Variants in RASA2 observed in about 807,000 individuals in gnomAD.
RASA2 encodes RAS p21 protein activator 2.
Under a neutral mutation model 118.2 loss-of-function variants are expected in RASA2, and 155 were observed. That is an observed-to-expected ratio of 1.31 (90% CI 1.15 to 1.50). The LOEUF is 1.50. Ranked by LOEUF, RASA2 falls within the 40% of genes most tolerant of loss-of-function variation. The pLI, the probability that RASA2 is intolerant of heterozygous loss-of-function variation, is 0.00. For synonymous variants in RASA2, 353 were observed against 349.1 expected (o/e 1.01, Z -0.12); for missense variants, 1,016 against 1,009.6 (o/e 1.01, Z -0.09).
intron 12 of RASA2, 53 bp from the exon 13 acceptor site, chr3:141,573,094 A>G: frequency 7.1e-7 from 1 of 1,417,714 alleles, no homozygotes; most frequent in South Asian, 1.3e-5. Context: ...AGTTATTTTC[A>G]TTTTGTCAGA....
At chr3:141,513,318 G>A (rs1021803171) in intron 2 of RASA2, among the ~76,000 whole-genome samples, 2 of 151,242 alleles carry the variant, frequency 1.3e-5, no homozygotes, top group African/African-American at 2.4e-5. Flanking sequence ...TCTTAGAAAA[G>A]GTATTGTATA....
chr3:141,499,066 A>C (rs959389122), intron 1 of RASA2, among the ~76,000 whole-genome samples: 6 of 152,200 alleles, frequency 3.9e-5, no homozygotes, highest in Admixed American at 2.6e-4. Context: ...TACCTTGTGA[A>C]ACTTGCCTTT....
At chr3:141,487,968 A>C (rs2081599114) in intron 1 of RASA2, among the ~76,000 whole-genome samples, 1 of 152,078 alleles carries the variant, frequency 6.6e-6, no homozygotes, top group African/African-American at 2.4e-5. Context: ...CTCAAAACAC[A>C]ATCACCCAGC....
chr3:141,598,913 C>T (rs1176058261), intron 19 of RASA2, among the ~76,000 whole-genome samples: 3 of 151,870 alleles, frequency 2.0e-5, no homozygotes, highest in South Asian at 2.1e-4. Flanking sequence ...GCTGAAACTT[C>T]GTCTCTACTA....
intron 11 of RASA2, among the ~76,000 whole-genome samples, chr3:141,571,755 A>G (rs1180652774): frequency 6.6e-6 from 1 of 152,120 alleles, no homozygotes; most frequent in East Asian, 1.9e-4. Context: ...CAATTAATGA[A>G]GGATGTTTTT....
In RASA2 at chr3:141,614,393, G is replaced by T. The variant is rs1467678329; in HGVS notation, c.*2080G>T. 3 of 152,152 alleles carry T rather than the reference G, an allele frequency of 2.0e-5. No individual in the cohort carries two copies. The highest frequency in any genetic ancestry group is 4.4e-5 in the Non-Finnish European group (3 of 68,008). The allele number at this position is 152,152 out of a possible 1,614,324, so 9.4% of individuals were successfully genotyped here. A position where few individuals can be genotyped will look rare whatever the true frequency, so the allele number is the denominator to read the frequency against. On this transcript the variant is annotated 3_prime_UTR_variant, in exon 24 of 24. Transcript: ENST00000286364. ...GAAATTAAATTATTTTTCTTTGAAA[G>T]TCTTTTGAAATAAGAGACCATGTAA...
intron 9 of RASA2, among the ~76,000 whole-genome samples, chr3:141,569,538 G>T (rs914463156): frequency 6.6e-6 from 1 of 152,094 alleles, no homozygotes; most frequent in African/African-American, 2.4e-5. Flanking sequence ...TCAAATTTAG[G>T]CAAGCATATT....
At chr3:141,496,279 C>T (rs913000768) in intron 1 of RASA2, among the ~76,000 whole-genome samples, 10 of 152,166 alleles carry the variant, frequency 6.6e-5, no homozygotes, top group Non-Finnish European at 1.0e-4. Context: ...ATGTCCAAAA[C>T]ACCAAAAGCA....
chr3:141,532,699 A>T (rs1277949840), intron 4 of RASA2, among the ~76,000 whole-genome samples: 1 of 152,168 alleles, frequency 6.6e-6, no homozygotes, highest in Non-Finnish European at 1.5e-5. Context: ...ACTACCGCAT[A>T]AAATAATTGG....
chr3:141,499,390 A>T (rs1264781301), intron 1 of RASA2, among the ~76,000 whole-genome samples: 1 of 152,130 alleles, frequency 6.6e-6, no homozygotes, highest in Non-Finnish European at 1.5e-5. Flanking sequence ...ATTTATGTGG[A>T]ATTGTACTTA....
At chr3:141,543,463 G>GT (rs1223137766) in intron 5 of RASA2, among the ~76,000 whole-genome samples, 1 of 152,174 alleles carries the variant, frequency 6.6e-6, no homozygotes, top group East Asian at 1.9e-4. Flanking sequence ...AAAGGAAAGT[G>GT]TAAGTCTGTT....
intron 1 of RASA2, among the ~76,000 whole-genome samples, chr3:141,491,469 A>G (rs1017809634): frequency 2.6e-5 from 4 of 152,200 alleles, no homozygotes; most frequent in African/African-American, 4.8e-5. Flanking sequence ...ATTCTTGTTC[A>G]TTTTTAAAAA....
At position 141,573,192 on chromosome 3, in the gene RASA2, A is replaced by G. The variant is rs2082952257; in HGVS notation, c.1330A>G (p.Lys444Glu). 2 of 1,541,518 alleles carry G rather than the reference A, an allele frequency of 1.3e-6. No homozygotes were observed. Among genetic ancestry groups the G allele is most frequent in the Non-Finnish European group, 1.7e-6 (2 of 1,154,534 alleles). Residue 444 changes from lysine to glutamate, a missense_variant, in exon 13 of 24, where the codon AAA becomes GAA. Coordinates refer to ENST00000286364, the MANE Select transcript of RASA2 (RefSeq NM_006506.5). ...CTGTGAAATCGATCCTATTAAATTG[A>G]AAGAGGGAGATAATGTAGAAAATAA... ...KSCEIDPIKL[K>E]EGDNVENNKE... is the part of the protein sequence containing the mutation.
rs1358563772 is a variant in RASA2, at chr3:141,609,889, C to CT, written c.2343dup (p.Ile782TyrfsTer12). 5 of 1,570,754 alleles carry CT rather than the reference C, an allele frequency of 3.2e-6. No homozygotes were observed. Among genetic ancestry groups the CT allele is most frequent in the Non-Finnish European group, 4.3e-6 (5 of 1,163,358 alleles). ...CTGCTCTTTGTAGAGGCTTGTGGAA[C>CT]TATTGCAGTCTATCAAGGACCACAG... On this transcript the variant is annotated frameshift_variant, in exon 23 of 24. Transcript: ENST00000286364. LOFTEE classifies it high-confidence loss of function.
intron 4 of RASA2, among the ~76,000 whole-genome samples, chr3:141,536,604 A>G (rs1364978303): frequency 5.3e-5 from 8 of 152,242 alleles, no homozygotes; most frequent in Admixed American, 4.6e-4. Context: ...TTAAAGACGT[A>G]TAATACAGTG....
intron 19 of RASA2, among the ~76,000 whole-genome samples, chr3:141,600,822 T>C (rs2083451511): frequency 6.6e-6 from 1 of 152,112 alleles, no homozygotes; most frequent in Admixed American, 6.5e-5. Context: ...AGAATTTACA[T>C]GGATGGAAAA....
At chr3:141,534,427 C>T (rs956949834) in intron 4 of RASA2, among the ~76,000 whole-genome samples, 1 of 152,100 alleles carries the variant, frequency 6.6e-6, no homozygotes, top group Admixed American at 6.5e-5. Flanking sequence ...ATTTGCTGCT[C>T]TCATTAATTA....
At chr3:141,580,283 T>C in intron 15 of RASA2, 85 bp from the exon 16 acceptor site, 1 of 996,818 alleles carries the variant, frequency 1.0e-6, no homozygotes, top group African/African-American at 1.6e-5. Context: ...TTTACAGCAA[T>C]GTAGTCCATT....
At chr3:141,593,798 T>A (rs2107785269) in intron 19 of RASA2, among the ~76,000 whole-genome samples, 1 of 152,202 alleles carries the variant, frequency 6.6e-6, no homozygotes, top group African/African-American at 2.4e-5. Context: ...ATAAACAAAG[T>A]ATAAAACCAA....
Sources: gnomAD v4.1 joint callset for allele counts (sites outside exome capture counted in the v4.1 genomes callset) on GRCh38, gnomAD v4.1.1 for gene constraint, MANE v1.5 for transcripts, NCBI Gene and HGNC (gene_info 2026-07-23, HGNC 2026-07-21) for gene names.